Variants in UGT8 observed in about 807,000 individuals in gnomAD.
The protein encoded by UGT8 is UDP glycosyltransferase 8, also known as 2-hydroxyacylsphingosine 1-beta-galactosyltransferase.
In UGT8, 12 loss-of-function variants were observed where a neutral mutation model predicts 40.5. The ratio of observed to expected loss-of-function variants is 0.30; its 90% CI spans 0.19 to 0.48. The LOEUF is 0.48. UGT8 is among the 20% of genes least tolerant of loss of function. The pLI is 0.99. For missense variants in UGT8, 513 were observed against 648.7 expected (o/e 0.79, Z 2.27); for synonymous variants, 224 against 240.4 (o/e 0.93, Z 0.63).
At chr4:114,671,087 A>C (rs1055593970) in intron 5 of UGT8, among the ~76,000 whole-genome samples, 2 of 152,186 alleles carry the variant, frequency 1.3e-5, no homozygotes, top group African/African-American at 4.8e-5. Flanking sequence ...TAAAATACCT[A>C]GGAATACAGC....
intron 2 of UGT8, among the ~76,000 whole-genome samples, chr4:114,657,083 T>C (rs1734238318): frequency 6.6e-6 from 1 of 152,130 alleles, no homozygotes; most frequent in Admixed American, 6.5e-5. Context: ...GTAGTGATTT[T>C]TTTTTTCTGG....
At chr4:114,611,364 C>T (rs952008478) in intron 1 of UGT8, among the ~76,000 whole-genome samples, 1 of 135,556 alleles carries the variant, frequency 7.4e-6, no homozygotes, top group Non-Finnish European at 1.5e-5. Context: ...AAATAGAAAC[C>T]CACATCTTTT....
intron 2 of UGT8, among the ~76,000 whole-genome samples, chr4:114,659,435 T>C (rs1256197573): frequency 6.6e-6 from 1 of 152,210 alleles, no homozygotes; most frequent in Non-Finnish European, 1.5e-5. Flanking sequence ...CCTATGAGTG[T>C]TGCTGATTTC....
At chr4:114,645,219 T>A (rs1228139775) in intron 2 of UGT8, among the ~76,000 whole-genome samples, 1 of 152,210 alleles carries the variant, frequency 6.6e-6, no homozygotes, top group Non-Finnish European at 1.5e-5. Context: ...ATCAAGAGTT[T>A]CACTACCAAG....
intron 5 of UGT8, among the ~76,000 whole-genome samples, chr4:114,671,416 C>T (rs879439585): frequency 1.3e-5 from 2 of 152,200 alleles, no homozygotes; most frequent in Non-Finnish European, 2.9e-5. Context: ...CGCTACCTGA[C>T]TTCAAACTAT....
intron 5 of UGT8, among the ~76,000 whole-genome samples, chr4:114,675,085 A>G (rs1439871252): frequency 6.6e-6 from 1 of 152,174 alleles, no homozygotes; most frequent in Non-Finnish European, 1.5e-5. Flanking sequence ...ATCTGACTTC[A>G]TGGTGTTTCC....
At chr4:114,600,298 TCC>T (rs1278333240) in intron 1 of UGT8, among the ~76,000 whole-genome samples, 1 of 152,172 alleles carries the variant, frequency 6.6e-6, no homozygotes. Context: ...AAATCTTCAG[TCC>T]CCTCAGGCTG....
chr4:114,655,091 C>T (rs539756439), intron 2 of UGT8, among the ~76,000 whole-genome samples: 1 of 148,880 alleles, frequency 6.7e-6, no homozygotes, highest in South Asian at 2.1e-4. Flanking sequence ...AAGTAATTTG[C>T]AGCTTATTAT....
chr4:114,624,096 A>G (rs758173177), intron 2 of UGT8, among the ~76,000 whole-genome samples: 18 of 152,208 alleles, frequency 1.2e-4, no homozygotes, highest in Non-Finnish European at 1.9e-4. Context: ...TAACAGGTAT[A>G]TATGTTTAGC....
intron 2 of UGT8, chr4:114,656,731 G>T (rs778997329): frequency 8.7e-5 from 43 of 495,698 alleles, no homozygotes; most frequent in Non-Finnish European, 1.3e-4. Context: ...TGAGGGGGAA[G>T]TTTCAGGCAC....
At chr4:114,657,164 A>G (rs1734241870) in intron 2 of UGT8, among the ~76,000 whole-genome samples, 2 of 151,724 alleles carry the variant, frequency 1.3e-5, no homozygotes, top group Admixed American at 6.6e-5. Flanking sequence ...ATATCTCCTC[A>G]GTACCTTGCC....
At chr4:114,636,679 C>G (rs1338962508) in intron 2 of UGT8, among the ~76,000 whole-genome samples, 1 of 152,034 alleles carries the variant, frequency 6.6e-6, no homozygotes, top group Non-Finnish European at 1.5e-5. Flanking sequence ...TTCTTCTATT[C>G]TGCTCCATTT....
Position 114,670,430 on chromosome 4 carries a change from C to CAAA in UGT8, c.1262+2149_1262+2151dup, listed in dbSNP as rs70964319. On this transcript the variant is annotated intron_variant, in intron 5 of 5. Transcript: ENST00000310836. ...TGGGTGACAGAGCAAGACTCTGTCTCAAAAAAAAAAAAAAAAAAAAAAAAA... is the reference window on the plus strand; with the variant it reads ...TGGGTGACAGAGCAAGACTCTGTCTCAAAAAAAAAAAAAAAAAAAAAAAAAAAA... Among the ~76,000 whole-genome samples the CAAA allele has an allele frequency of 7.0e-3, 395 of 56,802 alleles. 5 individuals carry two copies. The highest frequency in any genetic ancestry group is 7.0e-3 in the Non-Finnish European group (260 of 37,328). The allele number at this position is 56,802 out of a possible 152,430, so 37.3% of individuals were successfully genotyped here.
At chr4:114,651,473 G>C (rs1162020731) in intron 2 of UGT8, among the ~76,000 whole-genome samples, 1 of 152,070 alleles carries the variant, frequency 6.6e-6, no homozygotes, top group Non-Finnish European at 1.5e-5. Context: ...GCAATTTCAA[G>C]ATTAAAAGCA....
At chr4:114,650,107 A>T (rs774986414) in intron 2 of UGT8, among the ~76,000 whole-genome samples, 18 of 152,096 alleles carry the variant, frequency 1.2e-4, no homozygotes, top group Admixed American at 3.3e-4. Flanking sequence ...GTGTATTAGG[A>T]TCATTGATTC....
chr4:114,663,595 A>T (rs1340789568), intron 2 of UGT8: 15 of 622,910 alleles, frequency 2.4e-5, no homozygotes, highest in Non-Finnish European at 2.8e-5. Context: ...TTTGTAAATG[A>T]TACATTAACA....
chr4:114,628,403 G>A (rs530276612), intron 2 of UGT8, among the ~76,000 whole-genome samples: 23 of 152,254 alleles, frequency 1.5e-4, no homozygotes, highest in Non-Finnish European at 3.1e-4. Context: ...GCTTCTCAAA[G>A]TGCTGGGATT....
At position 114,644,832 on chromosome 4, in the gene UGT8, C is replaced by G. The variant is rs1390093846; in HGVS notation, c.823-19163C>G. ...TGTCAACATACATCTCTGCATGGTC[C>G]CTCTACAGCTGAAAGTGGCCCACTT... On this transcript the variant is annotated intron_variant, in intron 2 of 5. Transcript: ENST00000310836. Among the ~76,000 whole-genome samples the G allele has an allele frequency of 2.0e-5, 3 of 152,050 alleles. No homozygotes were observed. The East Asian group carries it at 5.8e-4, about 29-fold the overall frequency.
intron 2 of UGT8, among the ~76,000 whole-genome samples, chr4:114,630,648 T>C (rs964500598): frequency 2.2e-4 from 34 of 152,126 alleles, no homozygotes; most frequent in African/African-American, 8.2e-4. Flanking sequence ...GATTTTTTTT[T>C]TTTCTTTCTT....
Sources: allele counts gnomAD v4.1 joint callset (sites outside exome capture counted in the v4.1 genomes callset), GRCh38; gene constraint gnomAD v4.1.1; transcripts MANE v1.5; gene names NCBI Gene and HGNC (gene_info 2026-07-23, HGNC 2026-07-21).